UTP4: variants seen among roughly 807,000 people sequenced by gnomAD.
UTP4 encodes UTP4 small subunit processome component.
A neutral mutation model predicts 82.4 loss-of-function variants in UTP4; 45 were observed. The ratio of observed to expected loss-of-function variants is 0.55; its 90% confidence interval spans 0.43 to 0.70. The LOEUF (loss-of-function observed/expected upper bound fraction) is 0.70. Ranked by LOEUF, UTP4 falls within the 30% of genes least tolerant of loss-of-function variation. The pLI, the probability that UTP4 is intolerant of heterozygous loss-of-function variation, is 0.00. For synonymous variants in UTP4, 348 were observed against 300.3 expected (o/e 1.16, Z -1.64); for missense variants, 819 against 858.3 (o/e 0.95, Z 0.57).
chr16:69,136,310 C>T (rs1048101633), intron 2 of UTP4, among the ~76,000 whole-genome samples: 4 of 152,336 alleles, frequency 2.6e-5, no homozygotes, highest in Non-Finnish European at 4.4e-5. Flanking sequence ...TCACTGCAGC[C>T]TCCGCCTCCC....
intron 10 of UTP4, among the ~76,000 whole-genome samples, chr16:69,155,137 A>T (rs1963377512): frequency 6.6e-6 from 1 of 151,982 alleles, no homozygotes; most frequent in Admixed American, 6.6e-5. Flanking sequence ...TATTCTCCAG[A>T]TTCTTTTTTG....
At position 69,143,274 on chromosome 16, in the gene UTP4, C is replaced by T; in HGVS notation, c.623C>T (p.Thr208Ile). 6.2e-7 allele frequency: 1 copy of T among 1,614,216 alleles called. No homozygotes were observed. The highest frequency in any genetic ancestry group is 2.2e-5 in the East Asian group (1 of 44,886). Residue 208 changes from threonine to isoleucine, a missense_variant, in exon 6 of 17, where the codon ACT becomes ATT. Transcript: ENST00000314423. ...VWGVAFLSDG[T>I]IISVDSAGKV... ...GGTGTCGCCTTCTTGTCCGATGGCA[C>T]TATCATAAGTGTGGACTCTGCTGGG...
intron 2 of UTP4, among the ~76,000 whole-genome samples, chr16:69,135,412 G>A (rs1962785463): frequency 6.6e-6 from 1 of 151,930 alleles, no homozygotes; most frequent in Non-Finnish European, 1.5e-5. Flanking sequence ...GAAAAAATTA[G>A]TACGTTAAAG....
chr16:69,143,246 T>G lies in UTP4; in HGVS notation c.595T>G (p.Trp199Gly), dbSNP rs1323217012. 6.2e-7 allele frequency: 1 copy of G among 1,614,204 alleles called. No homozygotes were observed. The highest frequency in any genetic ancestry group is 1.6e-4 in the Middle Eastern group (1 of 6,062). ...CGTGTCTAAGCGGAAGTGCATCGTG[T>G]GGGGTGTCGCCTTCTTGTCCGATGG... Reference protein sequence around the residue: ...MGVSKRKCIVWGVAFLSDGTI... With the variant: ...MGVSKRKCIVGGVAFLSDGTI... The change falls in exon 6 of 17, where the codon TGG (tryptophan) becomes GGG (glycine). Residue 199 changes from tryptophan to glycine, a missense_variant. By Grantham distance (184) the Trp-to-Gly change is radical. Coordinates refer to ENST00000314423, the MANE Select transcript of UTP4 (RefSeq NM_032830.3).
intron 2 of UTP4, among the ~76,000 whole-genome samples, chr16:69,136,482 G>A (rs538296762): frequency 3.3e-5 from 5 of 152,294 alleles, no homozygotes; most frequent in Non-Finnish European, 7.4e-5. Flanking sequence ...ATGTTTTGCC[G>A]AACTAGTCCT....
At chr16:69,154,566 T>C in intron 10 of UTP4, 109 bp downstream of exon 10, 1 of 860,364 alleles carries the variant, frequency 1.2e-6, no homozygotes. Flanking sequence ...GTATAAATTC[T>C]AAAACTATTT....
intron 12 of UTP4, among the ~76,000 whole-genome samples, chr16:69,159,786 A>C (rs1963516891): frequency 6.6e-6 from 1 of 151,502 alleles, no homozygotes; most frequent in Admixed American, 6.6e-5. Context: ...TCAGGAGTTC[A>C]AGACCAGCCC....
At chr16:69,139,750 G>A in intron 4 of UTP4, 75 bp from the exon 5 acceptor site, 1 of 936,576 alleles carries the variant, frequency 1.1e-6, no homozygotes, top group Middle Eastern at 2.1e-4. Context: ...AGAGATAGTT[G>A]TGGGAAGAGA....
intron 6 of UTP4, among the ~76,000 whole-genome samples, chr16:69,149,986 T>C (rs1163849617): frequency 6.6e-6 from 1 of 152,156 alleles, no homozygotes; most frequent in Non-Finnish European, 1.5e-5. Context: ...GCTCAGCTTC[T>C]CAAAGTGCTG....
At chr16:69,160,544 T>C in intron 13 of UTP4, 82 bp downstream of exon 13, 3 of 978,948 alleles carry the variant, frequency 3.1e-6, no homozygotes, top group Non-Finnish European at 3.3e-6. Flanking sequence ...TCAAGGCAGA[T>C]TGGCATGACC....
At chr16:69,167,912 G>C (rs530963577) in intron 16 of UTP4, 11 of 152,284 alleles carry the variant, frequency 7.2e-5, no homozygotes, top group African/African-American at 2.7e-4. Context: ...TGCTCAAGAG[G>C]CTGAGATGGG....
At chr16:69,156,535 C>T (rs1349727703) in intron 11 of UTP4, among the ~76,000 whole-genome samples, 1 of 151,604 alleles carries the variant, frequency 6.6e-6, no homozygotes, top group Admixed American at 6.6e-5. Context: ...CTCAGCTCAC[C>T]GCAATCTCTG....
chr16:69,146,900 G>A (rs1260019614), intron 6 of UTP4, among the ~76,000 whole-genome samples: 1 of 151,182 alleles, frequency 6.6e-6, no homozygotes, highest in Non-Finnish European at 1.5e-5. Context: ...CTACTCGTGA[G>A]GCTGAGGCAG....
At chr16:69,157,016 T>A in intron 11 of UTP4, 68 bp from the exon 12 acceptor site, 1 of 1,536,288 alleles carries the variant, frequency 6.5e-7, no homozygotes, top group Non-Finnish European at 9.0e-7. Flanking sequence ...TAAGCCTAGC[T>A]GTGATTGTTT....
chr16:69,145,322 G>A (rs1351588824), intron 6 of UTP4, among the ~76,000 whole-genome samples: 2 of 151,916 alleles, frequency 1.3e-5, no homozygotes, highest in Non-Finnish European at 2.9e-5. Context: ...GTGCAGTGGT[G>A]CAGTCTCGGC....
At chr16:69,163,599 G>C (rs1963618255) in intron 14 of UTP4, among the ~76,000 whole-genome samples, 1 of 151,778 alleles carries the variant, frequency 6.6e-6, no homozygotes, top group African/African-American at 2.4e-5. Context: ...AATAAGATCA[G>C]GTACCTAATC....
intron 6 of UTP4, among the ~76,000 whole-genome samples, chr16:69,144,795 T>A (rs1022305610): frequency 6.6e-5 from 10 of 152,134 alleles, no homozygotes; most frequent in Non-Finnish European, 1.5e-4. Flanking sequence ...TGGGATAAAT[T>A]CCCCTTTAAA....
intron 16 of UTP4, 145 bp from the exon 17 acceptor site, chr16:69,168,676 C>A: frequency 1.4e-6 from 1 of 722,692 alleles, no homozygotes; most frequent in Non-Finnish European, 2.5e-6. Flanking sequence ...AGTCCCAGGG[C>A]AGGAAAGATT....
At chr16:69,159,542 G>T (rs1343440775) in intron 12 of UTP4, among the ~76,000 whole-genome samples, 1 of 152,038 alleles carries the variant, frequency 6.6e-6, no homozygotes, top group East Asian at 1.9e-4. Context: ...ACAAAAATTA[G>T]CTGGGTGTGG....
Sources: allele counts gnomAD v4.1 joint callset (sites outside exome capture counted in the v4.1 genomes callset), GRCh38; gene constraint gnomAD v4.1.1; transcripts MANE v1.5; gene names NCBI Gene and HGNC (gene_info 2026-07-23, HGNC 2026-07-21).